LYST: variants seen among roughly 807,000 people sequenced by gnomAD.
The protein encoded by LYST is lysosomal-trafficking regulator.
LYST carries 192 observed loss-of-function variants against 413.6 expected under a neutral mutation model. The observed-to-expected ratio is 0.46, with a 90% CI of 0.41 to 0.52. The LOEUF is 0.52. Among genes scored for constraint, LYST ranks in the 20% least tolerant of loss-of-function variants. The probability of loss-of-function intolerance (pLI) is 0.00; values close to 1 mark genes in which losing one functional copy is unlikely to be tolerated. For synonymous variants in LYST, 1,525 were observed against 1,567.3 expected (o/e 0.97, Z 0.64); for missense variants, 3,815 against 4,499.9 (o/e 0.85, Z 4.35).
chr1:235,704,765 G>T (rs1558134328), intron 44 of LYST, among the ~76,000 whole-genome samples: 1 of 152,000 alleles, frequency 6.6e-6, no homozygotes, highest in Admixed American at 6.6e-5. Context: ...GATCCCACTT[G>T]TCAATTGTTG....
chr1:235,666,154 C>T lies in LYST; in HGVS notation c.11039-1533G>A, dbSNP rs142572492. 5.9e-3 allele frequency among the ~76,000 whole-genome samples: 895 copies of T among 151,826 alleles called. 5 individuals are homozygous for T. Among genetic ancestry groups the T allele is most frequent in the Middle Eastern group, 0.027 (8 of 294 alleles). On this transcript the variant is annotated intron_variant, in intron 50 of 52. Transcript: ENST00000389793. Reference sequence around the variant, plus strand: ...ATGCCCAGTGTGTTGCAGCATTATTCACAATAGCCAAGAAGAGGAAACAAC... The same window carrying T: ...ATGCCCAGTGTGTTGCAGCATTATTTACAATAGCCAAGAAGAGGAAACAAC...
At chr1:235,835,770 T>A (rs1185133542) in intron 1 of LYST, among the ~76,000 whole-genome samples, 1 of 152,204 alleles carries the variant, frequency 6.6e-6, no homozygotes. Context: ...TATATTTGCC[T>A]CTGTTTCCAA....
chr1:235,811,497 G>T lies in LYST; in HGVS notation c.284-963C>A, dbSNP rs989551824. Among the ~76,000 whole-genome samples the T allele has an allele frequency of 3.3e-5, 5 of 152,018 alleles. No homozygotes were observed. The South Asian group carries it at 1.0e-3, about 32-fold the overall frequency. ...GTTTCAGCACTGAACTAGGCACCAGGTATAGACACTATTATTTCATCCCCG... is the reference window on the plus strand; with the variant it reads ...GTTTCAGCACTGAACTAGGCACCAGTTATAGACACTATTATTTCATCCCCG... On this transcript the variant is annotated intron_variant, in intron 4 of 52. Transcript: ENST00000389793.
rs538703606 is a variant in LYST, at chr1:235,787,133, A to G, written c.4862+67T>C. ...GTTTCTGTATTCTGTTTCAGAAGCT[A>G]TAATTGACTAATGAAACATAACATT... On this transcript the variant is annotated intron_variant, in intron 14 of 52. Transcript: ENST00000389793. 11 of 1,206,796 alleles carry G rather than the reference A, an allele frequency of 9.1e-6. No homozygotes were observed. In the South Asian group the frequency reaches 1.1e-4, roughly 12 times the overall value. The allele number at this position is 1,206,796 out of a possible 1,614,324, so 74.8% of individuals were successfully genotyped here.
At chr1:235,723,604 G>A (rs10926506) in intron 39 of LYST, among the ~76,000 whole-genome samples, 1,551 of 152,290 alleles carry the variant, frequency 0.01, 16 homozygotes, top group African/African-American at 0.036. Context: ...GACATTACGG[G>A]TTTAGCAACA....
chr1:235,759,968 T>C (rs1413598220), intron 22 of LYST, among the ~76,000 whole-genome samples: 1 of 152,164 alleles, frequency 6.6e-6, no homozygotes, highest in Non-Finnish European at 1.5e-5. Context: ...CCACTTTTTA[T>C]TAATATCTTC....
At chr1:235,769,257 A>T (rs925811702) in intron 20 of LYST, among the ~76,000 whole-genome samples, 1 of 152,078 alleles carries the variant, frequency 6.6e-6, no homozygotes, top group African/African-American at 2.4e-5. Context: ...TAAAGCAAAA[A>T]GAATACCATG....
At chr1:235,834,694 G>A (rs886161270) in intron 1 of LYST, among the ~76,000 whole-genome samples, 1 of 152,200 alleles carries the variant, frequency 6.6e-6, no homozygotes, top group African/African-American at 2.4e-5. Context: ...AGGGCTTTGT[G>A]TGAATTAGGA....
At chr1:235,706,932 C>T (rs1283684750) in intron 44 of LYST, among the ~76,000 whole-genome samples, 2 of 152,136 alleles carry the variant, frequency 1.3e-5, no homozygotes, top group Non-Finnish European at 2.9e-5. Context: ...TAAATAAGCT[C>T]AGATATGGAG....
In LYST at chr1:235,674,582, C is replaced by G. The variant is rs926971011; in HGVS notation, c.11038+2509G>C. On this transcript the variant is annotated intron_variant, in intron 50 of 52. Coordinates refer to ENST00000389793, the MANE Select transcript of LYST (RefSeq NM_000081.4). This position sits in a 1 kb window ranked among gnomAD's most constrained non-coding sequence, Gnocchi z 4.1. ...GCAAAAATGTAGACTGGATAAATTACGTTTATTATAATCAACAGTGGTTTG... is the reference window on the plus strand; with the variant it reads ...GCAAAAATGTAGACTGGATAAATTAGGTTTATTATAATCAACAGTGGTTTG... Among the ~76,000 whole-genome samples the G allele has an allele frequency of 1.3e-5, 2 of 152,108 alleles. No homozygotes were observed. Among genetic ancestry groups the G allele is most frequent in the African/African-American group, 2.4e-5 (1 of 41,412 alleles).
At chr1:235,872,934 TG>T (rs1437617285) in intron 1 of LYST, among the ~76,000 whole-genome samples, 1 of 151,964 alleles carries the variant, frequency 6.6e-6, no homozygotes, top group Non-Finnish European at 1.5e-5. Flanking sequence ...AAAAGAAAGT[TG>T]GGAAGAAAAA....
In LYST at chr1:235,663,023, C is replaced by A; in HGVS notation, c.11323G>T (p.Val3775Leu). ...HLYTANSDGT[V>L]IAWCRKDQQR... ...TGGTCCTTCCGACACCAGGCAATCA[C>A]GGTCCCATCACTGTTTGCTGTGTAC... is the stretch of plus-strand genomic sequence containing the variant. Residue 3775 changes from valine (V) to leucine (L), a missense_variant, in exon 53 of 53, where the codon GTG (valine) becomes TTG (leucine). Coordinates refer to ENST00000389793, the MANE Select transcript of LYST (RefSeq NM_000081.4). 3.1e-6 allele frequency: 5 copies of A among 1,613,956 alleles called. No homozygotes were observed. Among genetic ancestry groups the A allele is most frequent in the Non-Finnish European group, 4.2e-6 (5 of 1,179,990 alleles).
intron 3 of LYST, among the ~76,000 whole-genome samples, chr1:235,817,688 G>A (rs775559983): frequency 2.6e-5 from 4 of 152,232 alleles, no homozygotes; most frequent in South Asian, 4.1e-4. Flanking sequence ...CACAAAGAAG[G>A]GAACAGCCAC....
At chr1:235,846,792 C>G (rs964174066) in intron 1 of LYST, among the ~76,000 whole-genome samples, 5 of 152,004 alleles carry the variant, frequency 3.3e-5, no homozygotes, top group African/African-American at 7.2e-5. Flanking sequence ...AGCTCGAAGA[C>G]AAGGTCTTCG....
chr1:235,723,707 C>T (rs944117212), intron 39 of LYST, among the ~76,000 whole-genome samples: 1 of 152,098 alleles, frequency 6.6e-6, no homozygotes, highest in African/African-American at 2.4e-5. Flanking sequence ...TGCAACTTTC[C>T]CCAACAGTTT....
intron 29 of LYST, among the ~76,000 whole-genome samples, chr1:235,745,241 T>C (rs942719572): frequency 2.6e-5 from 4 of 152,160 alleles, no homozygotes; most frequent in Non-Finnish European, 4.4e-5. Context: ...GATGAGAACA[T>C]GATTTATAGT....
At chr1:235,690,350 A>G (rs936799561) in intron 47 of LYST, among the ~76,000 whole-genome samples, 4 of 152,178 alleles carry the variant, frequency 2.6e-5, no homozygotes, top group African/African-American at 9.7e-5. Context: ...TACTGATTCT[A>G]TAATATGTTT....
At chr1:235,862,968 A>C (rs1438712765) in intron 1 of LYST, among the ~76,000 whole-genome samples, 1 of 152,214 alleles carries the variant, frequency 6.6e-6, no homozygotes, top group East Asian at 1.9e-4. Flanking sequence ...AGGTGAAGTA[A>C]GATCTTTAAG....
At chr1:235,876,302 A>G (rs1681136114) in intron 1 of LYST, among the ~76,000 whole-genome samples, 1 of 152,026 alleles carries the variant, frequency 6.6e-6, no homozygotes, top group Non-Finnish European at 1.5e-5. Flanking sequence ...ACAAAACACA[A>G]TCCAATATAG....
Sources: gnomAD v4.1 joint callset for allele counts (sites outside exome capture counted in the v4.1 genomes callset) on GRCh38, gnomAD v4.1.1 for gene constraint, Gnocchi (gnomAD v3.1) non-coding constraint, MANE v1.5 for transcripts, NCBI Gene and HGNC (gene_info 2026-07-23, HGNC 2026-07-21) for gene names.